TTC23L: variants seen among roughly 807,000 people sequenced by gnomAD.
TTC23L encodes the protein tetratricopeptide repeat domain 23 like.
TTC23L carries 42 observed loss-of-function variants against 48.1 expected under a neutral mutation model. The observed-to-expected ratio is 0.87, with a 90% confidence interval of 0.68 to 1.13. TTC23L has a LOEUF of 1.13. Ranked by LOEUF, TTC23L falls within the 50% of genes most tolerant of loss-of-function variation. TTC23L has a pLI of 0.00. For missense variants in TTC23L, 391 were observed against 421.0 expected, an observed-to-expected ratio of 0.93 and a Z score of 0.62; for synonymous variants, 159 against 157.2, an observed-to-expected ratio of 1.01 and a Z score of -0.09.
the TTC23L span, among the ~76,000 whole-genome samples, chr5:34,904,614 T>C: frequency 2.0e-5 from 3 of 151,432 alleles, no homozygotes; most frequent in East Asian, 1.9e-4. Flanking sequence ...AAAAAGTTTA[T>C]GTAACCTGTT....
In TTC23L at chr5:34,864,334, A is replaced by G. The variant is rs527538463; in HGVS notation, c.537-103A>G. On this transcript the variant is annotated intron_variant, in intron 5 of 10. Coordinates refer to ENST00000505624, the Ensembl canonical transcript of TTC23L. ...ACATAGTTAAGTACCCATTTTTAAT[A>G]TTGCTTCACTTTTCCAAGAGCCCCT... 7.2e-6 allele frequency: 10 copies of G among 1,392,352 alleles called. No homozygotes were observed. In the Admixed American group the frequency reaches 2.3e-4, roughly 32 times the overall value. 86.2% of individuals were successfully genotyped at this position (1,392,352 alleles called of 1,614,324 possible).
intron 9 of TTC23L, among the ~76,000 whole-genome samples, chr5:34,889,503 G>A (rs1373027259): frequency 6.6e-6 from 1 of 152,150 alleles, no homozygotes; most frequent in African/African-American, 2.4e-5. Flanking sequence ...AATACATTGA[G>A]CCCTCCTATC....
At chr5:34,844,824 C>T (rs886264901) in intron 2 of TTC23L, among the ~76,000 whole-genome samples, 5 of 152,088 alleles carry the variant, frequency 3.3e-5, no homozygotes, top group Admixed American at 1.3e-4. Flanking sequence ...GATATTTCTC[C>T]TCTGAATCTG....
chr5:34,915,206 C>T, the TTC23L span, among the ~76,000 whole-genome samples: 1 of 152,230 alleles, frequency 6.6e-6, no homozygotes, highest in Non-Finnish European at 1.5e-5. Context: ...GACACGGTAT[C>T]TCCCGGCCAA....
At chr5:34,909,489 C>T in the TTC23L span, 4 of 562,860 alleles carry the variant, frequency 7.1e-6, no homozygotes, top group Admixed American at 3.1e-5. Context: ...GCTTATAACA[C>T]ACGATAACAA....
chr5:34,913,088 G>C, the TTC23L span, among the ~76,000 whole-genome samples: 1 of 152,140 alleles, frequency 6.6e-6, no homozygotes, highest in Non-Finnish European at 1.5e-5. Context: ...AGTAAACTAG[G>C]AGTCAGAACT....
intron 10 of TTC23L, among the ~76,000 whole-genome samples, chr5:34,897,426 A>G (rs1763303994): frequency 6.6e-6 from 1 of 151,970 alleles, no homozygotes; most frequent in South Asian, 2.1e-4. Flanking sequence ...AAAAATACAT[A>G]TATATACAAA....
chr5:34,872,994 C>T (rs965844181), intron 8 of TTC23L, among the ~76,000 whole-genome samples: 3 of 150,590 alleles, frequency 2.0e-5, no homozygotes, highest in Non-Finnish European at 4.4e-5. Context: ...GCCCAGGAGG[C>T]GGAAGTTGCA....
rs1561135327 is a variant in TTC23L, at chr5:34,863,251, G to C, written c.536+197G>C. 6.6e-6 allele frequency among the ~76,000 whole-genome samples: 1 copy of C among 152,102 alleles called. No homozygotes were observed. Among genetic ancestry groups the C allele is most frequent in the Non-Finnish European group, 1.5e-5 (1 of 68,018 alleles). On this transcript the variant is annotated intron_variant, in intron 5 of 10. Transcript: ENST00000505624. This position sits in a 1 kb window ranked among gnomAD's most constrained non-coding sequence, Gnocchi z 4.1. ...TCCTATGTCTATTCATATAAGCTCT[G>C]AGTTGAGCCACGGAAGAGATTTCAC...
intron 10 of TTC23L, among the ~76,000 whole-genome samples, 200 bp downstream of exon 10, chr5:34,897,075 T>A (rs1337333503): frequency 6.6e-6 from 1 of 151,964 alleles, no homozygotes; most frequent in African/African-American, 2.4e-5. Context: ...CTGAAGGGCT[T>A]CTCAGGACTT....
the TTC23L span, chr5:34,907,663 T>C: frequency 9.2e-5 from 14 of 152,234 alleles, no homozygotes; most frequent in Admixed American, 2.6e-4. Context: ...TAAGTACTGA[T>C]TGCAGTTACT....
chr5:34,909,041 T>C, the TTC23L span: 7 of 1,196,008 alleles, frequency 5.9e-6, no homozygotes, highest in Non-Finnish European at 7.2e-6. Flanking sequence ...AATCTAAGAA[T>C]AAAATCAAGT....
At chr5:34,869,332 A>T (rs1165569983) in intron 8 of TTC23L, 6 of 240,798 alleles carry the variant, frequency 2.5e-5, no homozygotes, top group South Asian at 1.2e-4. Flanking sequence ...GTTGATAAGG[A>T]CATCCAGTGA....
At chr5:34,894,166 T>G (rs966894213) in intron 9 of TTC23L, among the ~76,000 whole-genome samples, 1 of 152,148 alleles carries the variant, frequency 6.6e-6, no homozygotes, top group Admixed American at 6.5e-5. Context: ...TTCTAAGAAT[T>G]TGTCTTTTGA....
chr5:34,846,707 G>GTGTGTATA (rs59410522), intron 3 of TTC23L, among the ~76,000 whole-genome samples: 4 of 129,734 alleles, frequency 3.1e-5, no homozygotes, highest in South Asian at 4.8e-4. Context: ...GTGTGTGTGT[G>GTGTGTATA]TATCCATCCT....
the TTC23L span, chr5:34,915,083 A>G: frequency 1.5e-5 from 9 of 598,418 alleles, no homozygotes; most frequent in African/African-American, 1.7e-4. Context: ...AACCCCACCT[A>G]TGTCACTTAA....
At chr5:34,920,043 C>A in the TTC23L span, 1 of 461,222 alleles carries the variant, frequency 2.2e-6, no homozygotes, top group Non-Finnish European at 3.9e-6. Context: ...TTTTATCTCT[C>A]ACAGTTTAGT....
exon 2 of TTC23L, chr5:34,840,687 A>G (rs778209282): frequency 2.5e-6 from 4 of 1,613,806 alleles, no homozygotes; most frequent in East Asian, 2.2e-5. Context: ...AGCCAGCCCC[A>G]TCCGTATCCC....
chr5:34,856,097 C>T (rs1424524331), intron 4 of TTC23L, among the ~76,000 whole-genome samples: 1 of 151,990 alleles, frequency 6.6e-6, no homozygotes, highest in African/African-American at 2.4e-5. Context: ...GTTTTGGGCC[C>T]CTGAAATTGC....
Sources: allele counts gnomAD v4.1 joint callset (sites outside exome capture counted in the v4.1 genomes callset), GRCh38; gene constraint gnomAD v4.1.1; non-coding constraint Gnocchi (gnomAD v3.1); transcripts MANE v1.5; gene names NCBI Gene and HGNC (gene_info 2026-07-23, HGNC 2026-07-21).